Variants in EPHB1 observed in about 807,000 individuals in gnomAD.
EPHB1 encodes ephrin type-B receptor 1.
Under a neutral mutation model 94.4 loss-of-function variants are expected in EPHB1, and 30 were observed. That is an observed-to-expected ratio of 0.32 (90% CI 0.24 to 0.43). The LOEUF is 0.43. Among genes scored for constraint, EPHB1 ranks in the 20% least tolerant of loss-of-function variants. The pLI, the probability that EPHB1 is intolerant of heterozygous loss-of-function variation, is 1.00. For missense variants in EPHB1, 1,055 were observed against 1,308.3 expected, an observed-to-expected ratio of 0.81 and a Z score of 2.99; for synonymous variants, 522 against 489.1, an observed-to-expected ratio of 1.07 and a Z score of -0.89.
chr3:135,004,161 C>G (rs1301569744), intron 3 of EPHB1, among the ~76,000 whole-genome samples: 14 of 151,800 alleles, frequency 9.2e-5, no homozygotes. Flanking sequence ...CTGGTGGTGA[C>G]AAAATCTCTC....
intron 3 of EPHB1, among the ~76,000 whole-genome samples, chr3:134,961,656 T>C (rs1482471359): frequency 6.6e-6 from 1 of 152,212 alleles, no homozygotes; most frequent in East Asian, 1.9e-4. Flanking sequence ...ACAGAGGACT[T>C]TGCACCTAGT....
chr3:135,186,632 T>A (rs542617681), intron 10 of EPHB1, among the ~76,000 whole-genome samples: 2 of 152,058 alleles, frequency 1.3e-5, no homozygotes, highest in Non-Finnish European at 2.9e-5. Flanking sequence ...GAGCTGTGCA[T>A]AACCAGAAGC....
At chr3:134,879,135 C>T (rs556615268) in intron 1 of EPHB1, among the ~76,000 whole-genome samples, 1 of 152,286 alleles carries the variant, frequency 6.6e-6, no homozygotes, top group East Asian at 1.9e-4. Context: ...CCCTCCTCCC[C>T]TTTTGCAGGA....
chr3:134,966,967 G>A (rs893864824), intron 3 of EPHB1, among the ~76,000 whole-genome samples: 4 of 152,198 alleles, frequency 2.6e-5, no homozygotes, highest in African/African-American at 4.8e-5. Flanking sequence ...GGGGGCACCT[G>A]CATGGCAGCT....
intron 3 of EPHB1, among the ~76,000 whole-genome samples, chr3:135,084,003 G>T (rs901906633): frequency 1.3e-5 from 2 of 152,040 alleles, no homozygotes; most frequent in Admixed American, 1.3e-4. Flanking sequence ...TGAGGCAGTG[G>T]GTAGAATCTT....
At chr3:134,826,577 C>T (rs977767804) in intron 1 of EPHB1, among the ~76,000 whole-genome samples, 1 of 152,074 alleles carries the variant, frequency 6.6e-6, no homozygotes, top group Non-Finnish European at 1.5e-5. Flanking sequence ...ATTTCATTCT[C>T]CACTATAAAT....
At chr3:134,904,625 T>G (rs1429834412) in intron 1 of EPHB1, among the ~76,000 whole-genome samples, 1 of 152,128 alleles carries the variant, frequency 6.6e-6, no homozygotes. Flanking sequence ...GAGAAATACC[T>G]CCTCACCAAG....
chr3:135,033,863 A>G (rs1353670307), intron 3 of EPHB1, among the ~76,000 whole-genome samples: 2 of 152,172 alleles, frequency 1.3e-5, no homozygotes, highest in Non-Finnish European at 2.9e-5. Flanking sequence ...AAGCTGAATA[A>G]TGTGTCACAG....
chr3:134,817,465 A>T (rs1164278278), intron 1 of EPHB1, among the ~76,000 whole-genome samples: 4 of 152,206 alleles, frequency 2.6e-5, no homozygotes, highest in Non-Finnish European at 5.9e-5. Context: ...GTCCTGGCAG[A>T]GGAGTGCACA....
chr3:134,857,186 T>C (rs1050629495), intron 1 of EPHB1, among the ~76,000 whole-genome samples: 7 of 152,204 alleles, frequency 4.6e-5, no homozygotes, highest in Non-Finnish European at 1.0e-4. Context: ...GGAGGCCAAG[T>C]GCTGACCCCA....
At position 135,259,262 on chromosome 3, in the gene EPHB1, C is replaced by T; in HGVS notation, c.*142C>T. On this transcript the variant is annotated 3_prime_UTR_variant, in exon 16 of 16. Transcript: ENST00000398015. ...TCCATCAGTGAAGAATCAACCGGAC[C>T]TGTTGCTAGCAGGCAATCTCCATTT... The T allele has an allele frequency of 1.6e-6, 1 of 609,050 alleles. No homozygotes were observed. Among genetic ancestry groups the T allele is most frequent in the East Asian group, 3.0e-5 (1 of 33,686 alleles). The allele number at this position is 609,050 out of a possible 1,614,324, so 37.7% of individuals were successfully genotyped here.
At chr3:135,005,695 T>A (rs1335776655) in intron 3 of EPHB1, among the ~76,000 whole-genome samples, 2 of 152,206 alleles carry the variant, frequency 1.3e-5, no homozygotes, top group African/African-American at 4.8e-5. Context: ...AAAAGCGCAG[T>A]ATTCGGGTGG....
At chr3:135,151,863 C>A (rs1458766574) in intron 5 of EPHB1, among the ~76,000 whole-genome samples, 1 of 152,136 alleles carries the variant, frequency 6.6e-6, no homozygotes, top group African/African-American at 2.4e-5. Context: ...ACTCTACAGA[C>A]AAAAGATGAG....
intron 4 of EPHB1, among the ~76,000 whole-genome samples, chr3:135,115,997 C>T (rs376469358): frequency 5.3e-5 from 8 of 152,062 alleles, no homozygotes; most frequent in East Asian, 1.9e-4. Flanking sequence ...GGGTGGATCA[C>T]GAGGTCAAGA....
chr3:135,040,336 T>C (rs1259503171), intron 3 of EPHB1, among the ~76,000 whole-genome samples: 1 of 152,228 alleles, frequency 6.6e-6, no homozygotes, highest in African/African-American at 2.4e-5. Context: ...TTTGGAATTT[T>C]CTCAGCCACC....
chr3:135,163,956 A>G (rs912963287), intron 7 of EPHB1, among the ~76,000 whole-genome samples: 3 of 152,200 alleles, frequency 2.0e-5, no homozygotes, highest in African/African-American at 4.8e-5. Context: ...AATCCTGCCC[A>G]GAGTCAATGG....
chr3:135,229,444 G>T (rs75905283), intron 12 of EPHB1, among the ~76,000 whole-genome samples: 7,326 of 152,170 alleles, frequency 0.048, 433 homozygotes, highest in East Asian at 0.3. Flanking sequence ...CTGTTGGAGG[G>T]CGGGGGCAGG....
chr3:134,880,754 C>A (rs925583150), intron 1 of EPHB1, among the ~76,000 whole-genome samples: 14 of 152,236 alleles, frequency 9.2e-5, no homozygotes, highest in African/African-American at 3.1e-4. Flanking sequence ...TAGAGCCAAG[C>A]TGTGAGGCTG....
intron 3 of EPHB1, among the ~76,000 whole-genome samples, chr3:135,023,936 A>G (rs1229711920): frequency 6.6e-6 from 1 of 152,214 alleles, no homozygotes. Flanking sequence ...ATTGTTTTGA[A>G]TATATAGTTT....
Sources: gnomAD v4.1 joint callset for allele counts (sites outside exome capture counted in the v4.1 genomes callset) on GRCh38, gnomAD v4.1.1 for gene constraint, MANE v1.5 for transcripts, NCBI Gene and HGNC (gene_info 2026-07-23, HGNC 2026-07-21) for gene names.